SULT1B1: variants seen among roughly 807,000 people sequenced by gnomAD.
SULT1B1 encodes the protein sulfotransferase family 1B member 1, also known as sulfotransferase 1B1.
SULT1B1 carries 28 observed loss-of-function variants against 34.6 expected under a neutral mutation model. That is an observed-to-expected ratio of 0.81 (90% CI 0.60 to 1.11). The LOEUF is 1.11. SULT1B1 is among the 50% of genes least tolerant of loss of function. The pLI is 0.00. For missense variants in SULT1B1, 374 were observed against 352.2 expected (o/e 1.06, Z -0.50); for synonymous variants, 147 against 110.2 (o/e 1.33, Z -2.09).
At chr4:69,759,338 T>C (rs1372655081) in intron 1 of SULT1B1, among the ~76,000 whole-genome samples, 6 of 152,174 alleles carry the variant, frequency 3.9e-5, no homozygotes, top group African/African-American at 1.4e-4. Context: ...GTCAAAAATG[T>C]CCGTGATTTA....
intron 4 of SULT1B1, among the ~76,000 whole-genome samples, chr4:69,740,181 G>C (rs933160362): frequency 1.2e-4 from 18 of 152,128 alleles, no homozygotes; most frequent in African/African-American, 4.1e-4. Flanking sequence ...TTTAATAGTA[G>C]TGCCCCACTA....
Position 69,739,907 on chromosome 4 carries a change from T to C in SULT1B1, c.376-5643A>G, listed in dbSNP as rs546912109. On this transcript the variant is annotated intron_variant, in intron 4 of 7. Transcript: ENST00000310613. ...TAGCAAGAGTGACCTTTACTCCAGT[T>C]CCCAACAAGTTCCTCTTCTCCATCT... 2.0e-5 allele frequency among the ~76,000 whole-genome samples: 3 copies of C among 152,276 alleles called. No homozygotes were observed. The South Asian group carries it at 6.2e-4, about 32-fold the overall frequency.
At chr4:69,748,083 C>T (rs1718826109) in intron 4 of SULT1B1, among the ~76,000 whole-genome samples, 1 of 151,956 alleles carries the variant, frequency 6.6e-6, no homozygotes, top group East Asian at 1.9e-4. Context: ...AATCTAAAGA[C>T]AAAAATTGGC....
chr4:69,752,611 T>A (rs944526413), intron 3 of SULT1B1, among the ~76,000 whole-genome samples: 17 of 152,324 alleles, frequency 1.1e-4, no homozygotes, highest in African/African-American at 3.8e-4. Flanking sequence ...AAAAATTGAA[T>A]ATATTTTTTA....
chr4:69,735,192 T>A (rs1470150034), intron 4 of SULT1B1, among the ~76,000 whole-genome samples: 2 of 152,144 alleles, frequency 1.3e-5, no homozygotes, highest in Non-Finnish European at 2.9e-5. Context: ...AAAAGCATAC[T>A]GGACAAAGAG....
chr4:69,733,100 T>C, intron 6 of SULT1B1, among the ~76,000 whole-genome samples: 1 of 152,134 alleles, frequency 6.6e-6, no homozygotes, highest in Non-Finnish European at 1.5e-5. Flanking sequence ...AAAAACAATG[T>C]TAAAATATTA....
rs1348766220 is a variant in SULT1B1, at chr4:69,723,067, A to C, written c.*4021T>G. 6.6e-6 allele frequency: 1 copy of C among 152,162 alleles called. No homozygotes were observed. Among genetic ancestry groups the C allele is most frequent in the Non-Finnish European group, 1.5e-5 (1 of 68,034 alleles). The allele number at this position is 152,162 out of a possible 1,614,324, so 9.4% of individuals were successfully genotyped here. On this transcript the variant is annotated 3_prime_UTR_variant, in exon 8 of 8. Coordinates refer to ENST00000310613, the MANE Select transcript of SULT1B1 (RefSeq NM_014465.4). ...AAAGACACAAAAACCCCTTCAAAAA[A>C]TCAGTGAATTCAGGAGCTGGTTTTT...
intron 4 of SULT1B1, among the ~76,000 whole-genome samples, chr4:69,736,481 C>T (rs972760391): frequency 2.6e-5 from 4 of 152,102 alleles, no homozygotes; most frequent in Non-Finnish European, 4.4e-5. Flanking sequence ...AAGAGGACTT[C>T]GTCTTACATC....
intron 1 of SULT1B1, chr4:69,758,158 C>A: frequency 7.3e-6 from 2 of 272,768 alleles, no homozygotes; most frequent in Non-Finnish European, 1.1e-5. Context: ...AAGAAAGGAA[C>A]AATTAATGTG....
chr4:69,736,855 G>A (rs137882414), intron 4 of SULT1B1, among the ~76,000 whole-genome samples: 122 of 152,130 alleles, frequency 8.0e-4, no homozygotes, highest in African/African-American at 2.8e-3. Flanking sequence ...TTAGGAACCT[G>A]TGGGACAATA....
chr4:69,726,959 A>C lies in SULT1B1; in HGVS notation c.*129T>G. On this transcript the variant is annotated 3_prime_UTR_variant, in exon 8 of 8. Transcript: ENST00000310613. ...GATCTGATTAATAACATTGAAAAGA[A>C]TCAACATATTAAAAGCATATTATTC... 1.7e-6 allele frequency: 1 copy of C among 582,260 alleles called. No individual in the cohort carries two copies. The highest frequency in any genetic ancestry group is 3.2e-5 in the South Asian group (1 of 30,862). The allele number at this position is 582,260 out of a possible 1,614,324, so 36.1% of individuals were successfully genotyped here.
In SULT1B1 at chr4:69,754,750, T is replaced by C. The variant is rs772143479; in HGVS notation, c.197A>G (p.Asp66Gly). ...EIIDMILNDG[D>G]IEKCKRGFIT... ...AAAACCTCGCTTACATTTTTCAATA[T>C]CTCCATCATTTAGAATCATGTCTAT... The change falls in exon 3 of 8, where the codon GAT becomes GGT. Residue 66 changes from aspartate to glycine, a missense_variant. Coordinates refer to ENST00000310613, the MANE Select transcript of SULT1B1 (RefSeq NM_014465.4). 35 of 1,613,054 alleles carry C rather than the reference T, an allele frequency of 2.2e-5. No homozygotes were observed. Among genetic ancestry groups the C allele is most frequent in the Non-Finnish European group, 2.7e-5 (32 of 1,179,348 alleles).
chr4:69,724,469 G>A lies in SULT1B1; in HGVS notation c.*2619C>T, dbSNP rs1480097805. On this transcript the variant is annotated 3_prime_UTR_variant, in exon 8 of 8. Coordinates refer to ENST00000310613, the MANE Select transcript of SULT1B1 (RefSeq NM_014465.4). ...GCCCAAGGTCATTTATAGATTCAAT[G>A]CCATCCCCATTAAGCTACCAATGAC... 6.6e-6 allele frequency: 1 copy of A among 152,120 alleles called. No homozygotes were observed. The highest frequency in any genetic ancestry group is 1.5e-5 in the Non-Finnish European group (1 of 68,044). The allele number at this position is 152,120 out of a possible 1,614,324, so 9.4% of individuals were successfully genotyped here.
intron 5 of SULT1B1, 65 bp from the exon 6 acceptor site, chr4:69,733,572 T>A (rs977405343): frequency 1.7e-5 from 20 of 1,203,894 alleles, no homozygotes; most frequent in Non-Finnish European, 2.3e-5. Context: ...GTCTGAATAG[T>A]AAATCAAATT....
chr4:69,730,790 A>C (rs1718051342), intron 6 of SULT1B1, 109 bp from the exon 7 acceptor site: 1 of 937,904 alleles, frequency 1.1e-6, no homozygotes, highest in South Asian at 1.8e-5. Flanking sequence ...ATAGTATAGG[A>C]AATCCATATT....
At position 69,752,320 on chromosome 4, in the gene SULT1B1, T is replaced by C. The variant is rs116108842; in HGVS notation, c.277+2350A>G. Among the ~76,000 whole-genome samples, 832 of 152,312 alleles carry C rather than the reference T, an allele frequency of 5.5e-3. 9 individuals carry two copies. The highest frequency in any genetic ancestry group is 0.02 in the African/African-American group (813 of 41,556). On this transcript the variant is annotated intron_variant, in intron 3 of 7. Transcript: ENST00000310613. ...GTGGAATCATTGCTAAGTTTCTATG[T>C]AGTTTTGGAACATTTAAAATGGCTA...
chr4:69,754,943 C>A, intron 2 of SULT1B1, 127 bp downstream of exon 2: 1 of 1,225,992 alleles, frequency 8.2e-7, no homozygotes, highest in Non-Finnish European at 1.2e-6. Flanking sequence ...TTTTAATATA[C>A]TAAAATAGAT....
rs1361765297 is a variant in SULT1B1, at chr4:69,722,756, C to T, written c.*4332G>A. 6.6e-6 allele frequency: 1 copy of T among 152,016 alleles called. No individual in the cohort carries two copies. Among genetic ancestry groups the T allele is most frequent in the East Asian group, 1.9e-4 (1 of 5,184 alleles). 9.4% of individuals were successfully genotyped at this position (152,016 alleles called of 1,614,324 possible). A position where few individuals can be genotyped will look rare whatever the true frequency, so the allele number is the denominator to read the frequency against. On this transcript the variant is annotated 3_prime_UTR_variant, in exon 8 of 8. Coordinates refer to ENST00000310613, the MANE Select transcript of SULT1B1 (RefSeq NM_014465.4). The stretch of plus-strand genomic sequence containing the variant: ...CTATTTTAGCTATTCCTGGCTATTC[C>T]TGGCTGACAGCGGAGATTCACCTGT...
At position 69,727,069 on chromosome 4, in the gene SULT1B1, G is replaced by T; in HGVS notation, c.*19C>A. Reference sequence around the variant, plus strand: ...CTACAGACAATCTCTTATTTCTTCAGATGTGTGATTTAGACACTTTAAATC... The same window carrying T: ...CTACAGACAATCTCTTATTTCTTCATATGTGTGATTTAGACACTTTAAATC... On this transcript the variant is annotated 3_prime_UTR_variant, in exon 8 of 8. Transcript: ENST00000310613. The T allele has an allele frequency of 6.4e-7, 1 of 1,561,828 alleles. No homozygotes were observed. The highest frequency in any genetic ancestry group is 8.7e-7 in the Non-Finnish European group (1 of 1,146,394).
Sources: gnomAD v4.1 joint callset for allele counts (sites outside exome capture counted in the v4.1 genomes callset) on GRCh38, gnomAD v4.1.1 for gene constraint, MANE v1.5 for transcripts, NCBI Gene and HGNC (gene_info 2026-07-23, HGNC 2026-07-21) for gene names.